Variants in TC2N observed in about 807,000 individuals in gnomAD.
TC2N encodes the protein tandem C2 domains, nuclear.
Under a neutral mutation model 61.9 loss-of-function variants are expected in TC2N, and 51 were observed. The observed-to-expected ratio is 0.82, with a 90% CI of 0.66 to 1.04. TC2N has a LOEUF of 1.04. Among genes scored for constraint, TC2N ranks in the 50% least tolerant of loss-of-function variants. TC2N has a pLI of 0.00. For missense variants in TC2N, 556 were observed against 566.7 expected (o/e 0.98, Z 0.19); for synonymous variants, 204 against 192.6 (o/e 1.06, Z -0.49).
chr14:91,800,291 C>T lies in TC2N; in HGVS notation c.551G>A (p.Arg184Gln), dbSNP rs753392127. The T allele has an allele frequency of 3.5e-5, 55 of 1,586,864 alleles. No individual in the cohort carries two copies. The East Asian group carries it at 1.0e-3, about 30-fold the overall frequency. ...SMFDLTNSSQ[R>Q]FIQRHDSLSS... is the part of the protein sequence containing the mutation. The stretch of plus-strand genomic sequence containing the variant: ...ATGTAGATAATTCACCTGGATGAAT[C>T]GCTGAGATGAGTTTGTAAGATCAAA... Residue 184 changes from arginine (R) to glutamine (Q), a missense_variant, in exon 5 of 12, where the codon CGA becomes CAA. Physicochemically the swap from Arg to Gln is conservative, Grantham distance 43 (BLOSUM62 1). Coordinates refer to ENST00000435962, the MANE Select transcript of TC2N (RefSeq NM_001128596.3).
chr14:91,806,336 G>A (rs1364737887), intron 3 of TC2N, among the ~76,000 whole-genome samples: 3 of 152,148 alleles, frequency 2.0e-5, no homozygotes, highest in African/African-American at 7.2e-5. Flanking sequence ...TTGGAACTGA[G>A]TAACAGGCAG....
At chr14:91,852,430 TA>T (rs568387242) in intron 1 of TC2N, among the ~76,000 whole-genome samples, 107 of 146,580 alleles carry the variant, frequency 7.3e-4, no homozygotes, top group African/African-American at 8.4e-4. Context: ...AAACTCCGTC[TA>T]AAAAAAAAAA....
rs192930525 is a variant in TC2N, at chr14:91,782,429, C to T, written c.*671G>A. 4.1e-4 allele frequency: 62 copies of T among 152,002 alleles called. 2 individuals carry two copies. The highest frequency in any genetic ancestry group is 3.9e-3 in the Admixed American group (60 of 15,278). 9.4% of individuals were successfully genotyped at this position (152,002 alleles called of 1,614,324 possible). ...GCAAAGTATGTATATTCTGGGTTTC[C>T]AATTAAACTTCAACCTTCTGGTGTT... is the stretch of plus-strand genomic sequence containing the variant. On this transcript the variant is annotated 3_prime_UTR_variant, in exon 12 of 12. Coordinates refer to ENST00000435962, the MANE Select transcript of TC2N (RefSeq NM_001128596.3).
chr14:91,812,484 T>C lies in TC2N; in HGVS notation c.129A>G (p.Val43=). 1.9e-6 allele frequency: 3 copies of C among 1,611,870 alleles called. No individual in the cohort carries two copies. The highest frequency in any genetic ancestry group is 2.5e-6 in the Non-Finnish European group (3 of 1,178,554). The change falls in exon 3 of 12, where the codon GTA becomes GTG. Residue 43 remains valine, a synonymous_variant. Coordinates refer to ENST00000435962, the MANE Select transcript of TC2N (RefSeq NM_001128596.3). ...VPNSQNATIS[V]PPLTSVSVKP... ...TTACAGAAACAGAAGTCAATGGAGG[T>C]ACAGAGATAGTAGCATTTTGACTAT... is the stretch of plus-strand genomic sequence containing the variant.
intron 1 of TC2N, among the ~76,000 whole-genome samples, chr14:91,854,800 G>T (rs1007168355): frequency 1.3e-5 from 2 of 152,170 alleles, no homozygotes; most frequent in Non-Finnish European, 2.9e-5. Flanking sequence ...TGAGGAGTAG[G>T]GGAGAGCAAA....
intron 9 of TC2N, among the ~76,000 whole-genome samples, chr14:91,788,102 G>A (rs534147074): frequency 2.6e-5 from 4 of 152,098 alleles, no homozygotes; most frequent in African/African-American, 9.6e-5. Flanking sequence ...GCAATAAACA[G>A]ATCTGTGGAT....
In TC2N at chr14:91,782,800, GAACT is replaced by G. The variant is rs1885187397; in HGVS notation, c.*296_*299del. ...CAAAAGCGAAAACATAATATAGAAAGAACTATCTATGGTTGATATTCTCACAGAC... is the reference window on the plus strand; with the variant it reads ...CAAAAGCGAAAACATAATATAGAAAGATCTATGGTTGATATTCTCACAGAC... On this transcript the variant is annotated 3_prime_UTR_variant, in exon 12 of 12. Coordinates refer to ENST00000435962, the MANE Select transcript of TC2N (RefSeq NM_001128596.3). The G allele has an allele frequency of 4.0e-6, 1 of 248,936 alleles. No homozygotes were observed. The highest frequency in any genetic ancestry group is 7.6e-6 in the Non-Finnish European group (1 of 131,492). The allele number at this position is 248,936 out of a possible 1,614,324, so 15.4% of individuals were successfully genotyped here.
At chr14:91,840,605 C>T (rs541771823) in intron 1 of TC2N, among the ~76,000 whole-genome samples, 1 of 152,204 alleles carries the variant, frequency 6.6e-6, no homozygotes, top group South Asian at 2.1e-4. Context: ...GAAGGGTTTC[C>T]CTGAGTGGGC....
intron 9 of TC2N, among the ~76,000 whole-genome samples, chr14:91,789,388 T>C (rs2139825566): frequency 6.7e-6 from 1 of 149,508 alleles, no homozygotes; most frequent in Non-Finnish European, 1.5e-5. Context: ...CGAGGTCAGA[T>C]CGAGACCACC....
intron 1 of TC2N, among the ~76,000 whole-genome samples, chr14:91,832,566 A>T (rs8003783): frequency 1.3e-5 from 2 of 152,242 alleles, no homozygotes; most frequent in South Asian, 4.1e-4. Flanking sequence ...AAAAGAAAAA[A>T]AATTCAGGTA....
chr14:91,807,820 AG>A (rs1886583953), intron 3 of TC2N, among the ~76,000 whole-genome samples: 1 of 152,154 alleles, frequency 6.6e-6, no homozygotes, highest in African/African-American at 2.4e-5. Context: ...GGGAGGGGCC[AG>A]GGGCAGAATG....
chr14:91,827,045 A>G (rs1887530859), intron 1 of TC2N, among the ~76,000 whole-genome samples: 1 of 152,144 alleles, frequency 6.6e-6, no homozygotes, highest in South Asian at 2.1e-4. Flanking sequence ...TGACTGTAAT[A>G]TTTATTCCAC....
chr14:91,819,361 T>A (rs1459879980), intron 1 of TC2N, among the ~76,000 whole-genome samples: 3 of 151,836 alleles, frequency 2.0e-5, no homozygotes, highest in South Asian at 2.1e-4. Flanking sequence ...AAAAGGATAG[T>A]AGCATAGCTC....
chr14:91,783,872 T>C (rs1885239853), intron 11 of TC2N, among the ~76,000 whole-genome samples: 1 of 152,170 alleles, frequency 6.6e-6, no homozygotes, highest in Non-Finnish European at 1.5e-5. Context: ...TGAAGTTAAC[T>C]TCTCTGAGAT....
chr14:91,792,267 C>G (rs1019153301), intron 9 of TC2N, 100 bp downstream of exon 9: 2 of 605,888 alleles, frequency 3.3e-6, no homozygotes, highest in Non-Finnish European at 5.3e-6. Context: ...CCTTCCAGAT[C>G]CTCTAATATT....
intron 1 of TC2N, among the ~76,000 whole-genome samples, chr14:91,839,108 A>C (rs1888118828): frequency 6.6e-6 from 1 of 152,202 alleles, no homozygotes. Flanking sequence ...AAATCGCATA[A>C]TTCCTACTCT....
chr14:91,795,639 A>ATTTT (rs1885861078), intron 8 of TC2N, among the ~76,000 whole-genome samples: 1 of 152,184 alleles, frequency 6.6e-6, no homozygotes, highest in Admixed American at 6.5e-5. Context: ...GCTATTGCAC[A>ATTTT]CTTAATGGAC....
chr14:91,812,210 TAAA>T lies in TC2N; in HGVS notation c.301+99_301+101del, dbSNP rs1367787393. The T allele has an allele frequency of 6.7e-6, 4 of 596,270 alleles. No homozygotes were observed. In the African/African-American group the frequency reaches 7.7e-5, roughly 12 times the overall value. The allele number at this position is 596,270 out of a possible 1,614,324, so 36.9% of individuals were successfully genotyped here. A position where few individuals can be genotyped will look rare whatever the true frequency, so the allele number is the denominator to read the frequency against. Reference sequence around the variant, plus strand: ...AAAGAGCAAAATATAAAAAGTAAAATAAAAAAATTTTATATGAATTTTGTATTA... The same window carrying T: ...AAAGAGCAAAATATAAAAAGTAAAATAAAATTTTATATGAATTTTGTATTA... On this transcript the variant is annotated intron_variant, in intron 3 of 11. Transcript: ENST00000435962.
intron 1 of TC2N, among the ~76,000 whole-genome samples, chr14:91,839,718 C>A (rs1396980117): frequency 6.6e-5 from 10 of 152,138 alleles, no homozygotes; most frequent in Non-Finnish European, 1.3e-4. Flanking sequence ...AAATTATTTC[C>A]TTCCCATTTT....
Sources: allele counts gnomAD v4.1 joint callset (sites outside exome capture counted in the v4.1 genomes callset), GRCh38; gene constraint gnomAD v4.1.1; transcripts MANE v1.5; gene names NCBI Gene and HGNC (gene_info 2026-07-23, HGNC 2026-07-21).